CNTNAP2: variants seen among roughly 807,000 people sequenced by gnomAD.
The protein encoded by CNTNAP2 is contactin associated protein 2, also known as contactin-associated protein-like 2.
In CNTNAP2, 98 loss-of-function variants were observed where a neutral mutation model predicts 155.2. The ratio of observed to expected loss-of-function variants is 0.63; its 90% confidence interval spans 0.54 to 0.75. CNTNAP2 has a LOEUF of 0.75. CNTNAP2 is among the 30% of genes least tolerant of loss of function. The probability of loss-of-function intolerance (pLI) is 0.00; values close to 1 mark genes in which losing one functional copy is unlikely to be tolerated. For synonymous variants in CNTNAP2, 651 were observed against 631.2 expected, an observed-to-expected ratio of 1.03 and a Z score of -0.47; for missense variants, 1,727 against 1,688.1, an observed-to-expected ratio of 1.02 and a Z score of -0.40.
intron 14 of CNTNAP2, among the ~76,000 whole-genome samples, chr7:147,972,702 GC>G (rs1182660310): frequency 4.6e-5 from 7 of 152,106 alleles, no homozygotes; most frequent in Admixed American, 6.6e-5. Context: ...CAATGTACAA[GC>G]CCACTAACAG....
intron 12 of CNTNAP2, among the ~76,000 whole-genome samples, chr7:147,573,407 CT>C (rs1405304503): frequency 6.6e-6 from 1 of 152,156 alleles, no homozygotes; most frequent in Non-Finnish European, 1.5e-5. Flanking sequence ...ATCATCATTA[CT>C]GTTGTTATTC....
chr7:146,891,631 G>T (rs1456250895), intron 3 of CNTNAP2, among the ~76,000 whole-genome samples: 1 of 152,054 alleles, frequency 6.6e-6, no homozygotes, highest in Admixed American at 6.5e-5. Context: ...TCTGGTGAAT[G>T]ATTTTTTACA....
intron 21 of CNTNAP2, among the ~76,000 whole-genome samples, chr7:148,346,395 C>T (rs1004998666): frequency 1.3e-5 from 2 of 152,140 alleles, no homozygotes; most frequent in African/African-American, 4.8e-5. Context: ...ATTAAAAGTA[C>T]ATTTTTTAGG....
At chr7:147,243,999 A>G (rs2116644241) in intron 8 of CNTNAP2, among the ~76,000 whole-genome samples, 1 of 152,274 alleles carries the variant, frequency 6.6e-6, no homozygotes, top group African/African-American at 2.4e-5. Flanking sequence ...CTTTACACAT[A>G]ATCAGTCTGA....
intron 15 of CNTNAP2, among the ~76,000 whole-genome samples, chr7:147,991,592 A>C (rs1023771286): frequency 6.6e-6 from 1 of 151,836 alleles, no homozygotes; most frequent in South Asian, 2.1e-4. Context: ...TTAAAAAAAA[A>C]CTCTTTTGCT....
chr7:148,291,349 G>A (rs1042128924), intron 21 of CNTNAP2, among the ~76,000 whole-genome samples: 1 of 150,956 alleles, frequency 6.6e-6, no homozygotes, highest in Non-Finnish European at 1.5e-5. Flanking sequence ...TAACTCACAC[G>A]ATCACAAGGT....
At chr7:146,979,011 A>T (rs1797964936) in intron 3 of CNTNAP2, among the ~76,000 whole-genome samples, 1 of 152,118 alleles carries the variant, frequency 6.6e-6, no homozygotes, top group South Asian at 2.1e-4. Context: ...TGAAGATCTT[A>T]TTGATTTTCT....
intron 1 of CNTNAP2, among the ~76,000 whole-genome samples, chr7:146,451,857 A>ATATACGTG (rs1554435318): frequency 7.8e-6 from 1 of 128,612 alleles, no homozygotes; most frequent in African/African-American, 3.3e-5. Flanking sequence ...CACGTATTCT[A>ATATACGTG]TATATATATA....
rs184313346 is a variant in CNTNAP2, at chr7:147,274,571, T to C, written c.1349-25570T>C. On this transcript the variant is annotated intron_variant, in intron 8 of 23. Coordinates refer to ENST00000361727, the MANE Select transcript of CNTNAP2 (RefSeq NM_014141.6). ...TGAGTTCTTTGTAGATTCTGGACGT[T>C]AGTCCTTTGTCAGATGCATAATTTG... 3.9e-4 allele frequency among the ~76,000 whole-genome samples: 59 copies of C among 152,294 alleles called. 1 individual carries two copies. The East Asian group carries it at 7.7e-3, about 20-fold the overall frequency.
chr7:146,393,432 C>A (rs957968901), intron 1 of CNTNAP2, among the ~76,000 whole-genome samples: 5 of 152,268 alleles, frequency 3.3e-5, no homozygotes, highest in African/African-American at 1.2e-4. Flanking sequence ...GATAATGCAA[C>A]TTAATGTGGC....
chr7:146,453,082 G>A (rs1268079464), intron 1 of CNTNAP2, among the ~76,000 whole-genome samples: 1 of 152,186 alleles, frequency 6.6e-6, no homozygotes, highest in Non-Finnish European at 1.5e-5. Context: ...GGCCAAGCTG[G>A]CCATAGTCCT....
intron 13 of CNTNAP2, among the ~76,000 whole-genome samples, chr7:147,692,236 C>T (rs1188680560): frequency 6.6e-6 from 1 of 152,074 alleles, no homozygotes; most frequent in Non-Finnish European, 1.5e-5. Context: ...CAATGTACCA[C>T]AGTTTATTTA....
intron 3 of CNTNAP2, among the ~76,000 whole-genome samples, chr7:146,975,960 A>G (rs1278942796): frequency 5.3e-5 from 8 of 152,210 alleles, no homozygotes; most frequent in Admixed American, 1.3e-4. Context: ...TTCATGGCAT[A>G]GAGTCAACCA....
intron 1 of CNTNAP2, among the ~76,000 whole-genome samples, chr7:146,457,490 ATATATATATATATATATATATATATAT>A (rs1796572951): frequency 3.9e-3 from 3 of 772 alleles, no homozygotes; most frequent in African/African-American, 8.2e-3. Flanking sequence ...GAATATATAT[ATATATATATATATATATATATATATAT>A]ATATATATAT....
In CNTNAP2 at chr7:146,395,826, G is replaced by GGAGAGA. The variant is rs35033097; in HGVS notation, c.97+278878_97+278883dup. 2.6e-3 allele frequency among the ~76,000 whole-genome samples: 305 copies of GGAGAGA among 116,828 alleles called. 3 individuals are homozygous for GGAGAGA. The highest frequency in any genetic ancestry group is 6.3e-3 in the Admixed American group (67 of 10,582). The allele number at this position is 116,828 out of a possible 152,430, so 76.6% of individuals were successfully genotyped here. ...ATAGATAGATAGATAGATAGATAGA[G>GGAGAGA]GAGAGAGAGAGAGAGAGAGAGAGAG... On this transcript the variant is annotated intron_variant, in intron 1 of 23. Coordinates refer to ENST00000361727, the MANE Select transcript of CNTNAP2 (RefSeq NM_014141.6).
chr7:148,408,751 C>CT (rs1262796338), intron 22 of CNTNAP2, among the ~76,000 whole-genome samples: 1 of 152,166 alleles, frequency 6.6e-6, no homozygotes, highest in Non-Finnish European at 1.5e-5. Context: ...ATCTATTTGC[C>CT]TTTACCGGGC....
chr7:147,993,105 A>G (rs1801744593), intron 15 of CNTNAP2, among the ~76,000 whole-genome samples: 1 of 152,306 alleles, frequency 6.6e-6, no homozygotes, highest in African/African-American at 2.4e-5. Context: ...CGACGTCAGG[A>G]TTGCTATGAG....
At chr7:146,344,038 A>G (rs570930155) in intron 1 of CNTNAP2, among the ~76,000 whole-genome samples, 10 of 152,324 alleles carry the variant, frequency 6.6e-5, no homozygotes, top group African/African-American at 2.2e-4. Context: ...ATGACTAAAG[A>G]TAAAAGAGGA....
At chr7:146,139,324 T>C (rs1435998027) in intron 1 of CNTNAP2, among the ~76,000 whole-genome samples, 1 of 152,192 alleles carries the variant, frequency 6.6e-6, no homozygotes. Context: ...GTCATTTTTA[T>C]GCTATTTTAA....
Sources: gnomAD v4.1 joint callset for allele counts (sites outside exome capture counted in the v4.1 genomes callset) on GRCh38, gnomAD v4.1.1 for gene constraint, MANE v1.5 for transcripts, NCBI Gene and HGNC (gene_info 2026-07-23, HGNC 2026-07-21) for gene names.